DST: variants seen among roughly 807,000 people sequenced by gnomAD.
DST encodes the protein dystonin.
DST carries 253 observed loss-of-function variants against 875.2 expected under a neutral mutation model. The ratio of observed to expected loss-of-function variants is 0.29; its 90% CI spans 0.26 to 0.32. The LOEUF (loss-of-function observed/expected upper bound fraction) is 0.32. DST is among the 10% of genes least tolerant of loss of function. The pLI, the probability that DST is intolerant of heterozygous loss-of-function variation, is 1.00. For missense variants in DST, 8,287 were observed against 9,111.6 expected, an observed-to-expected ratio of 0.91 and a Z score of 3.68; for synonymous variants, 3,124 against 3,197.1, an observed-to-expected ratio of 0.98 and a Z score of 0.77.
At chr6:56,625,972 T>TAAAA (rs76788667) in intron 34 of DST, among the ~76,000 whole-genome samples, 2 of 74,978 alleles carry the variant, frequency 2.7e-5, no homozygotes, top group African/African-American at 7.3e-5. Flanking sequence ...GTTTAAAAAG[T>TAAAA]AAAAAAAAAA....
chr6:56,943,944 T>C (rs1818077063), intron 2 of DST, among the ~76,000 whole-genome samples: 1 of 151,824 alleles, frequency 6.6e-6, no homozygotes, highest in South Asian at 2.1e-4. Context: ...TGGTGAAATC[T>C]TGTCTCTACT....
At chr6:56,578,693 CACAGAG>C in intron 50 of DST, 115 bp downstream of exon 50, 1 of 1,030,480 alleles carries the variant, frequency 9.7e-7, no homozygotes. Context: ...AACACCATTT[CACAGAG>C]AAAGAGCACA....
intron 3 of DST, among the ~76,000 whole-genome samples, chr6:56,876,352 C>A (rs1779622995): frequency 6.6e-6 from 1 of 152,098 alleles, no homozygotes; most frequent in Non-Finnish European, 1.5e-5. Flanking sequence ...ATGCCATGGC[C>A]CCATTCTGGA....
At chr6:56,926,867 C>T (rs1331423726) in intron 2 of DST, among the ~76,000 whole-genome samples, 1 of 152,122 alleles carries the variant, frequency 6.6e-6, no homozygotes, top group African/African-American at 2.4e-5. Context: ...GAAGAAGGGA[C>T]ACAAAACATA....
intron 4 of DST, among the ~76,000 whole-genome samples, chr6:56,839,565 C>A (rs188454879): frequency 9.9e-4 from 151 of 152,194 alleles, no homozygotes; most frequent in African/African-American, 3.4e-3. Context: ...ATCCTGGAAG[C>A]CAAATGAAAA....
intron 4 of DST, among the ~76,000 whole-genome samples, chr6:56,751,272 C>G (rs933683797): frequency 6.6e-6 from 1 of 151,872 alleles, no homozygotes; most frequent in Non-Finnish European, 1.5e-5. Context: ...AAAAAGATTA[C>G]GCATTGATTA....
At chr6:56,749,898 G>A (rs760037505) in intron 4 of DST, among the ~76,000 whole-genome samples, 2 of 152,110 alleles carry the variant, frequency 1.3e-5, no homozygotes, top group African/African-American at 4.8e-5. Context: ...AGCTGGTATG[G>A]ACAACTGCTT....
intron 4 of DST, among the ~76,000 whole-genome samples, chr6:56,806,486 T>A (rs1354044371): frequency 6.6e-6 from 1 of 152,170 alleles, no homozygotes. Context: ...ATTAACATAA[T>A]CCAAAGGAAG....
chr6:56,655,838 T>C (rs1451536620), intron 10 of DST, among the ~76,000 whole-genome samples: 1 of 152,222 alleles, frequency 6.6e-6, no homozygotes, highest in African/African-American at 2.4e-5. Flanking sequence ...CCAAATGCCG[T>C]CTGTTATCTT....
At chr6:56,643,668 T>C (rs1297059814) in intron 15 of DST, among the ~76,000 whole-genome samples, 3 of 152,142 alleles carry the variant, frequency 2.0e-5, no homozygotes, top group Non-Finnish European at 2.9e-5. Flanking sequence ...CCAACCAGCC[T>C]CCTAAATATT....
intron 10 of DST, among the ~76,000 whole-genome samples, chr6:56,661,891 C>G (rs561548064): frequency 3.3e-5 from 5 of 151,946 alleles, no homozygotes; most frequent in African/African-American, 9.6e-5. Flanking sequence ...CCCGGCCGAC[C>G]CTCTAACTTT....
At chr6:56,636,364 G>A (rs1202103495) in intron 23 of DST, among the ~76,000 whole-genome samples, 193 bp downstream of exon 23, 13 of 148,168 alleles carry the variant, frequency 8.8e-5, no homozygotes, top group African/African-American at 2.7e-4. Context: ...ATATGTGTGT[G>A]TATATATATA....
intron 88 of DST, chr6:56,483,622 T>C (rs2095473584): frequency 7.0e-6 from 1 of 142,490 alleles, no homozygotes; most frequent in Admixed American, 7.7e-5. Flanking sequence ...CACAGACTGA[T>C]CTAAGAAGTG....
intron 46 of DST, 116 bp from the exon 47 acceptor site, chr6:56,598,122 GAC>G: frequency 9.9e-7 from 1 of 1,010,508 alleles, no homozygotes; most frequent in Non-Finnish European, 1.3e-6. Context: ...ACTAAAAACT[GAC>G]ACAATTGAAA....
Position 56,607,209 on chromosome 6 carries a change from G to C in DST, c.7419C>G (p.Asp2473Glu). 6.2e-7 allele frequency: 1 copy of C among 1,613,378 alleles called. No homozygotes were observed. The highest frequency in any genetic ancestry group is 1.1e-5 in the South Asian group (1 of 91,050). ...TTCTTTGACCTGACAACATGGTTTTGTCACTGAATGATAAGGCTGGGGCTT... is the reference window on the plus strand; with the variant it reads ...TTCTTTGACCTGACAACATGGTTTTCTCACTGAATGATAAGGCTGGGGCTT... ...KCEAPALSFS[D>E]KTMLSGQRIG... Residue 2473 changes from aspartate to glutamate, a missense_variant, in exon 40 of 104, where the codon GAC (aspartate) becomes GAG (glutamate). By Grantham distance (45) the Asp-to-Glu change is conservative. Around this residue, in one of 10 missense-constraint regions of DST, gnomAD observed 3,138 missense variants for 3,116.6 expected, o/e 1.01. Coordinates refer to ENST00000680361, the MANE Select transcript of DST (RefSeq NM_001374736.1).
chr6:56,746,824 G>A (rs2099573889), intron 4 of DST, among the ~76,000 whole-genome samples: 1 of 152,132 alleles, frequency 6.6e-6, no homozygotes, highest in African/African-American at 2.4e-5. Context: ...GGACTCTATG[G>A]AAGATATAGA....
At chr6:56,495,119 C>T (rs1269123107) in intron 82 of DST, among the ~76,000 whole-genome samples, 3 of 151,176 alleles carry the variant, frequency 2.0e-5, no homozygotes, top group Non-Finnish European at 4.4e-5. Context: ...TTAAAAAAAG[C>T]CCTATATAAA....
intron 4 of DST, among the ~76,000 whole-genome samples, chr6:56,836,576 C>G (rs560402525): frequency 3.9e-5 from 6 of 152,156 alleles, no homozygotes; most frequent in South Asian, 2.1e-4. Flanking sequence ...AGGGGCCGGG[C>G]GCGGTGGCTC....
At chr6:56,632,502 A>G (rs2098789870) in intron 28 of DST, among the ~76,000 whole-genome samples, 2 of 152,342 alleles carry the variant, frequency 1.3e-5, no homozygotes, top group South Asian at 4.1e-4. Context: ...TTAACTAGGC[A>G]AAAACCTTTT....
Sources: allele counts gnomAD v4.1 joint callset (sites outside exome capture counted in the v4.1 genomes callset), GRCh38; gene constraint gnomAD v4.1.1; regional missense constraint gnomAD v4.1.1; transcripts MANE v1.5; gene names NCBI Gene and HGNC (gene_info 2026-07-23, HGNC 2026-07-21).